SPIDR: variants seen among roughly 807,000 people sequenced by gnomAD.
The protein encoded by SPIDR is DNA repair-scaffolding protein.
A neutral mutation model predicts 104.6 loss-of-function variants in SPIDR; 93 were observed. That is an observed-to-expected ratio of 0.89 (90% CI 0.75 to 1.06). SPIDR has a LOEUF of 1.06. Among genes scored for constraint, SPIDR ranks in the 50% least tolerant of loss-of-function variants. The pLI, the probability that SPIDR is intolerant of heterozygous loss-of-function variation, is 0.00. For synonymous variants in SPIDR, 431 were observed against 416.9 expected, an observed-to-expected ratio of 1.03 and a Z score of -0.41; for missense variants, 1,154 against 1,111.2, an observed-to-expected ratio of 1.04 and a Z score of -0.55.
intron 10 of SPIDR, among the ~76,000 whole-genome samples, chr8:47,608,643 C>T (rs762453742): frequency 1.3e-5 from 2 of 152,190 alleles, no homozygotes; most frequent in Non-Finnish European, 2.9e-5. Context: ...TGTAGCCATC[C>T]ATGTGTGTCT....
chr8:47,594,410 C>T lies in SPIDR; in HGVS notation c.1098-1401C>T, dbSNP rs192694895. Among the ~76,000 whole-genome samples the T allele has an allele frequency of 2.8e-3, 429 of 151,848 alleles. 7 individuals are homozygous for T. Among genetic ancestry groups the T allele is most frequent in the Admixed American group, 0.024 (367 of 15,230 alleles). On this transcript the variant is annotated intron_variant, in intron 8 of 19. Coordinates refer to ENST00000297423, the MANE Select transcript of SPIDR (RefSeq NM_001080394.4). ...AAGAAAGCTCCTTGGCCCACCTTCT[C>T]TGGTATCCCAGCTGGGATACTGGGG... is the stretch of plus-strand genomic sequence containing the variant.
intron 5 of SPIDR, among the ~76,000 whole-genome samples, chr8:47,356,815 A>C (rs2054641949): frequency 6.6e-6 from 1 of 152,134 alleles, no homozygotes; most frequent in South Asian, 2.1e-4. Flanking sequence ...TTGGATACTG[A>C]ACTTTGGTTT....
At chr8:47,675,597 G>T (rs1043349474) in intron 11 of SPIDR, among the ~76,000 whole-genome samples, 2 of 152,090 alleles carry the variant, frequency 1.3e-5, no homozygotes, top group Non-Finnish European at 2.9e-5. Context: ...GATCACTTGA[G>T]GCCAGGAGTT....
intron 10 of SPIDR, among the ~76,000 whole-genome samples, chr8:47,657,863 C>A (rs773422512): frequency 6.6e-6 from 1 of 151,526 alleles, no homozygotes; most frequent in Non-Finnish European, 1.5e-5. Flanking sequence ...GACCCCATTT[C>A]TACAAAAAAT....
chr8:47,614,082 C>G (rs1229377228), intron 10 of SPIDR, among the ~76,000 whole-genome samples: 1 of 152,096 alleles, frequency 6.6e-6, no homozygotes, highest in African/African-American at 2.4e-5. Flanking sequence ...CATAAGTTCT[C>G]ATTGTTCAGC....
chr8:47,507,504 C>T (rs1371648209), intron 8 of SPIDR, among the ~76,000 whole-genome samples: 2 of 152,244 alleles, frequency 1.3e-5, no homozygotes, highest in African/African-American at 2.4e-5. Context: ...GCTCCTCAGA[C>T]AGCTGGTCAT....
At chr8:47,319,071 CA>C (rs1554592428) in intron 5 of SPIDR, among the ~76,000 whole-genome samples, 1 of 151,920 alleles carries the variant, frequency 6.6e-6, no homozygotes, top group Non-Finnish European at 1.5e-5. Flanking sequence ...ATCATAATGA[CA>C]GGATCAAATT....
intron 7 of SPIDR, among the ~76,000 whole-genome samples, chr8:47,409,229 C>A (rs1390035391): frequency 6.6e-6 from 1 of 151,594 alleles, no homozygotes; most frequent in African/African-American, 2.4e-5. Flanking sequence ...TAAACTTAAT[C>A]ATGGATGTCA....
chr8:47,367,895 A>G (rs1475374850), intron 5 of SPIDR, among the ~76,000 whole-genome samples: 2 of 152,246 alleles, frequency 1.3e-5, no homozygotes, highest in African/African-American at 2.4e-5. Context: ...TTATAGGAAC[A>G]GTGATTCAAA....
At chr8:47,522,505 C>T (rs1309129039) in intron 8 of SPIDR, among the ~76,000 whole-genome samples, 1 of 152,126 alleles carries the variant, frequency 6.6e-6, no homozygotes, top group Non-Finnish European at 1.5e-5. Flanking sequence ...CCTGTGAGCT[C>T]AGAGGGAAAG....
intron 6 of SPIDR, among the ~76,000 whole-genome samples, chr8:47,403,675 A>G (rs932093614): frequency 6.6e-6 from 1 of 152,208 alleles, no homozygotes; most frequent in Non-Finnish European, 1.5e-5. Context: ...AAGGAGAACT[A>G]TAAACCACTC....
chr8:47,553,087 G>A (rs548111836), intron 8 of SPIDR, among the ~76,000 whole-genome samples: 1 of 152,184 alleles, frequency 6.6e-6, no homozygotes, highest in African/African-American at 2.4e-5. Flanking sequence ...TTGAATATCG[G>A]CCCCCACTCT....
rs919197775 is a variant in SPIDR at position 47,731,814 on chromosome 8, C to T, written c.2604+2349C>T. Among the ~76,000 whole-genome samples the T allele has an allele frequency of 3.3e-5, 5 of 152,254 alleles. No individual in the cohort carries two copies. In the East Asian group the frequency reaches 9.6e-4, roughly 29 times the overall value. On this transcript the variant is annotated intron_variant, in intron 19 of 19. Coordinates refer to ENST00000297423, the MANE Select transcript of SPIDR (RefSeq NM_001080394.4). ...AAAGGGGGGAACTGCCCACAGCTGA[C>T]CAGGTAGAAGTTTGAGTAGGTGCTA...
At chr8:47,394,641 G>C (rs1025320117) in intron 5 of SPIDR, among the ~76,000 whole-genome samples, 5 of 152,230 alleles carry the variant, frequency 3.3e-5, no homozygotes, top group African/African-American at 9.6e-5. Flanking sequence ...CCAAGGTTGA[G>C]AGACAGTGCT....
chr8:47,596,345 C>T (rs957035501), intron 9 of SPIDR, among the ~76,000 whole-genome samples: 1 of 152,186 alleles, frequency 6.6e-6, no homozygotes, highest in Non-Finnish European at 1.5e-5. Flanking sequence ...ATAGCGTGCA[C>T]TTACACAAAC....
chr8:47,688,711 C>T (rs968260558), intron 11 of SPIDR, among the ~76,000 whole-genome samples: 7 of 152,194 alleles, frequency 4.6e-5, no homozygotes, highest in African/African-American at 1.4e-4. Flanking sequence ...GTGTGCACAT[C>T]GTGGGGGTGG....
At chr8:47,529,347 G>C (rs1306841898) in intron 8 of SPIDR, among the ~76,000 whole-genome samples, 1 of 152,078 alleles carries the variant, frequency 6.6e-6, no homozygotes, top group Non-Finnish European at 1.5e-5. Flanking sequence ...GAGCCCAGGA[G>C]GTGGAGGTTG....
At chr8:47,499,858 G>T (rs1483591973) in intron 8 of SPIDR, among the ~76,000 whole-genome samples, 7 of 150,540 alleles carry the variant, frequency 4.6e-5, no homozygotes, top group African/African-American at 1.5e-4. Context: ...TGTTCTCATT[G>T]TTCAGTTCTC....
At chr8:47,690,480 A>G (rs989049839) in intron 11 of SPIDR, among the ~76,000 whole-genome samples, 1 of 150,104 alleles carries the variant, frequency 6.7e-6, no homozygotes, top group African/African-American at 2.4e-5. Context: ...ATTTATATAC[A>G]TATATTATTT....
Sources: gnomAD v4.1 joint callset for allele counts (sites outside exome capture counted in the v4.1 genomes callset) on GRCh38, gnomAD v4.1.1 for gene constraint, MANE v1.5 for transcripts, NCBI Gene and HGNC (gene_info 2026-07-23, HGNC 2026-07-21) for gene names.